The following TBX18 variants were observed in gnomAD, a reference collection of about 807,000 sequenced individuals.
TBX18 encodes the protein T-box transcription factor TBX18.
Under a neutral mutation model 55.0 loss-of-function variants are expected in TBX18, and 21 were observed. That is an observed-to-expected ratio of 0.38 (90% CI 0.27 to 0.55). TBX18 has a LOEUF of 0.55. Ranked by LOEUF, TBX18 falls within the 20% of genes least tolerant of loss-of-function variation. TBX18 has a pLI of 0.73. For synonymous variants in TBX18, 342 were observed against 326.1 expected, an observed-to-expected ratio of 1.05 and a Z score of -0.53; for missense variants, 840 against 799.6, an observed-to-expected ratio of 1.05 and a Z score of -0.61.
At position 84,743,646 on chromosome 6, in the gene TBX18, C is replaced by G. The variant is rs141912272; in HGVS notation, c.1004+615G>C. Reference sequence around the variant, plus strand: ...TATCAATAAATTCAAAAACCCTTTGCCACATAGACTAGGTGATCTGCTTTT... The same window carrying G: ...TATCAATAAATTCAAAAACCCTTTGGCACATAGACTAGGTGATCTGCTTTT... On this transcript the variant is annotated intron_variant, in intron 6 of 7. Transcript: ENST00000369663. Among the ~76,000 whole-genome samples, 604 of 152,230 alleles carry G rather than the reference C, an allele frequency of 4.0e-3. 3 individuals carry two copies. Among genetic ancestry groups the G allele is most frequent in the African/African-American group, 0.011 (455 of 41,550 alleles).
At chr6:84,737,496 A>G in intron 7 of TBX18, 87 bp from the exon 8 acceptor site, 1 of 1,409,716 alleles carries the variant, frequency 7.1e-7, no homozygotes. Flanking sequence ...ACAGCTTGTT[A>G]CAAGGCAAGG....
Position 84,736,116 on chromosome 6 carries a change from T to C in TBX18, c.*569A>G, listed in dbSNP as rs1773932728. On this transcript the variant is annotated 3_prime_UTR_variant, in exon 8 of 8. Coordinates refer to ENST00000369663, the MANE Select transcript of TBX18 (RefSeq NM_001080508.3). The stretch of plus-strand genomic sequence containing the variant: ...TATAGACCCAAGGTCATATAGTATG[T>C]GTGGTAAATAATAAGCAGGAATGAA... 1 of 152,584 alleles carries C rather than the reference T, an allele frequency of 6.6e-6. No individual in the cohort carries two copies. The highest frequency in any genetic ancestry group is 2.4e-5 in the African/African-American group (1 of 41,444). 9.5% of individuals were successfully genotyped at this position (152,584 alleles called of 1,614,324 possible).
At position 84,738,599 on chromosome 6, in the gene TBX18, GA is replaced by G. The variant is rs757977860; in HGVS notation, c.1005-9del. The G allele has an allele frequency of 3.7e-6, 6 of 1,611,040 alleles. No individual in the cohort carries two copies. ...AAGGCTTCCAAACCCATTCTAAATG[GA>G]AAGGGTCAGGATAGGGGTGGACAAA... is the stretch of plus-strand genomic sequence containing the variant. On this transcript the variant is annotated splice_polypyrimidine_tract_variant and intron_variant, in intron 6 of 7. Coordinates refer to ENST00000369663, the MANE Select transcript of TBX18 (RefSeq NM_001080508.3).
intron 7 of TBX18, among the ~76,000 whole-genome samples, chr6:84,737,868 AT>A (rs1446863220): frequency 1.3e-5 from 2 of 152,208 alleles, no homozygotes; most frequent in African/African-American, 4.8e-5. Flanking sequence ...CCAACCAATA[AT>A]AATTATCTGA....
chr6:84,760,091 A>G (rs775342518), intron 3 of TBX18, among the ~76,000 whole-genome samples, 164 bp downstream of exon 3: 15 of 152,246 alleles, frequency 9.9e-5, no homozygotes, highest in Non-Finnish European at 2.1e-4. Context: ...GCCGCAAGAA[A>G]AGGCACCATC....
chr6:84,740,564 T>C (rs575412555), intron 6 of TBX18, among the ~76,000 whole-genome samples: 1 of 152,320 alleles, frequency 6.6e-6, no homozygotes, highest in South Asian at 2.1e-4. Flanking sequence ...TTGGCAGACC[T>C]GGTCAGTTCC....
chr6:84,738,497 C>T lies in TBX18; in HGVS notation c.1099G>A (p.Gly367Ser). The T allele has an allele frequency of 1.2e-6, 2 of 1,613,726 alleles. No homozygotes were observed. Among genetic ancestry groups the T allele is most frequent in the Non-Finnish European group, 1.7e-6 (2 of 1,179,718 alleles). Residue 367 changes from glycine to serine, a missense_variant and splice_region_variant, in exon 7 of 8, where the codon GGC becomes AGC. Physicochemically the swap from Gly to Ser is moderately conservative, Grantham distance 56. Transcript: ENST00000369663. The part of the protein sequence containing the change: ...FEDIPGIPKQ[G>S]NASSSTLLQG... ...TGACCCAGGAGACTTTGTGAGTTACCTTGCTTGGGAATTCCAGGGATATCT... is the reference window on the plus strand; with the variant it reads ...TGACCCAGGAGACTTTGTGAGTTACTTTGCTTGGGAATTCCAGGGATATCT...
intron 4 of TBX18, among the ~76,000 whole-genome samples, chr6:84,755,335 A>C (rs1020801203): frequency 1.3e-5 from 2 of 152,188 alleles, no homozygotes; most frequent in African/African-American, 4.8e-5. Flanking sequence ...TGTAGAACTC[A>C]CAAAAAATGG....
intron 4 of TBX18, among the ~76,000 whole-genome samples, chr6:84,754,658 A>G (rs980119450): frequency 6.6e-6 from 1 of 152,240 alleles, no homozygotes; most frequent in African/African-American, 2.4e-5. Flanking sequence ...AGTTAATCTT[A>G]TGTGTCAAAT....
chr6:84,756,613 T>C (rs1226533479), intron 4 of TBX18, 85 bp downstream of exon 4: 13 of 1,284,742 alleles, frequency 1.0e-5, no homozygotes, highest in South Asian at 8.0e-5. Context: ...CATTATGATC[T>C]TAGAAGCATT....
intron 3 of TBX18, among the ~76,000 whole-genome samples, chr6:84,757,272 CA>C (rs1158077562): frequency 6.6e-6 from 1 of 152,156 alleles, no homozygotes; most frequent in East Asian, 1.9e-4. Context: ...TTGAGAGTTA[CA>C]TTTTAAAATG....
At chr6:84,759,495 C>T (rs1006355937) in intron 3 of TBX18, among the ~76,000 whole-genome samples, 3 of 151,744 alleles carry the variant, frequency 2.0e-5, no homozygotes, top group African/African-American at 4.8e-5. Context: ...ATGTTTTTAG[C>T]TCTTCAGAAA....
Position 84,751,329 on chromosome 6 carries a change from C to T in TBX18, c.772-3242G>A, listed in dbSNP as rs568016619. Among the ~76,000 whole-genome samples, 3 of 152,252 alleles carry T rather than the reference C, an allele frequency of 2.0e-5. No homozygotes were observed. The South Asian group carries it at 6.2e-4, about 32-fold the overall frequency. On this transcript the variant is annotated intron_variant, in intron 4 of 7. Transcript: ENST00000369663. ...ATTTTAAGGTTACTTTTCAAAATAT[C>T]CTTACCATATTTCAAAAAAGACTTC...
chr6:84,760,668 C>T (rs867900633), intron 2 of TBX18, among the ~76,000 whole-genome samples: 1 of 151,956 alleles, frequency 6.6e-6, no homozygotes, highest in Non-Finnish European at 1.5e-5. Flanking sequence ...TAAACAAAAT[C>T]GATAAGCATA....
At chr6:84,738,637 T>G (rs760419812) in intron 6 of TBX18, 46 bp from the exon 7 acceptor site, 1 of 1,433,362 alleles carries the variant, frequency 7.0e-7, no homozygotes, top group Non-Finnish European at 9.8e-7. Flanking sequence ...GAAGTCTAGT[T>G]AGGAGCATTT....
Position 84,747,436 on chromosome 6 carries a change from G to C in TBX18, c.939+484C>G, listed in dbSNP as rs367614717. On this transcript the variant is annotated intron_variant, in intron 5 of 7. Coordinates refer to ENST00000369663, the MANE Select transcript of TBX18 (RefSeq NM_001080508.3). ...CCATTGCTGATCTCTCAGACTATAA[G>C]CAAGTTTATCATCCTCTATCACAAT... Among the ~76,000 whole-genome samples the C allele has an allele frequency of 6.7e-4, 102 of 152,228 alleles. 1 individual carries two copies. The highest frequency in any genetic ancestry group is 2.1e-3 in the African/African-American group (86 of 41,560).
Position 84,733,918 on chromosome 6 carries a change from G to A in TBX18, c.*2767C>T, listed in dbSNP as rs1773870317. ...CCAACCTTCTCTGGGGGCCACCAAG[G>A]ATTCCTGACCCCTTACATTCCAGAA... is the stretch of plus-strand genomic sequence containing the variant. On this transcript the variant is annotated 3_prime_UTR_variant, in exon 8 of 8. Coordinates refer to ENST00000369663, the MANE Select transcript of TBX18 (RefSeq NM_001080508.3). 1 of 152,108 alleles carries A rather than the reference G, an allele frequency of 6.6e-6. No homozygotes were observed. Among genetic ancestry groups the A allele is most frequent in the African/African-American group, 2.4e-5 (1 of 41,416 alleles). 9.4% of individuals were successfully genotyped at this position (152,108 alleles called of 1,614,324 possible).
chr6:84,750,414 G>A (rs1373912820), intron 4 of TBX18, among the ~76,000 whole-genome samples: 1 of 152,054 alleles, frequency 6.6e-6, no homozygotes, highest in East Asian at 1.9e-4. Context: ...AACTATATTA[G>A]GAAAAAGGAG....
At position 84,738,589 on chromosome 6, in the gene TBX18, A is replaced by G. The variant is rs755016909; in HGVS notation, c.1007T>C (p.Met336Thr). 3.7e-5 allele frequency: 60 copies of G among 1,612,784 alleles called. No individual in the cohort carries two copies. The highest frequency in any genetic ancestry group is 6.8e-6 in the Non-Finnish European group (8 of 1,179,060). The change falls in exon 7 of 8, where the codon ATG becomes ACG. Residue 336 changes from methionine to threonine, a missense_variant and splice_region_variant. Physicochemically the swap from Met to Thr is moderately conservative, Grantham distance 81. Coordinates refer to ENST00000369663, the MANE Select transcript of TBX18 (RefSeq NM_001080508.3). ...KGFRDSGRNRMGLEALVESYA... is the reference protein window; with the variant it reads ...KGFRDSGRNRTGLEALVESYA... ...TGATTCCACCAAGGCTTCCAAACCCATTCTAAATGGAAAGGGTCAGGATAG... is the reference window on the plus strand; with the variant it reads ...TGATTCCACCAAGGCTTCCAAACCCGTTCTAAATGGAAAGGGTCAGGATAG...
Sources: gnomAD v4.1 joint callset for allele counts (sites outside exome capture counted in the v4.1 genomes callset) on GRCh38, gnomAD v4.1.1 for gene constraint, MANE v1.5 for transcripts, NCBI Gene and HGNC (gene_info 2026-07-23, HGNC 2026-07-21) for gene names.